AGAP1: variants seen among roughly 807,000 people sequenced by gnomAD.
AGAP1 encodes arf-GAP with GTPase, ANK repeat and PH domain-containing protein 1.
AGAP1 carries 29 observed loss-of-function variants against 105.3 expected under a neutral mutation model. That is an observed-to-expected ratio of 0.28 (90% CI 0.21 to 0.38). The LOEUF (loss-of-function observed/expected upper bound fraction) is 0.38, where lower values mean the gene tolerates loss of function less well. AGAP1 is among the 10% of genes least tolerant of loss of function. The probability of loss-of-function intolerance (pLI) is 1.00; values close to 1 mark genes in which losing one functional copy is unlikely to be tolerated. For missense variants in AGAP1, 998 were observed against 1,165.1 expected (o/e 0.86, Z 2.09); for synonymous variants, 509 against 485.9 (o/e 1.05, Z -0.63).
chr2:235,956,347 C>G (rs977168072), intron 12 of AGAP1, among the ~76,000 whole-genome samples: 3 of 152,150 alleles, frequency 2.0e-5, no homozygotes, highest in African/African-American at 4.8e-5. Flanking sequence ...ATTTTTGAGC[C>G]TTAACTATAA....
In AGAP1 at chr2:235,701,202, C is replaced by T. The variant is rs536205302; in HGVS notation, c.164-7977C>T. Among the ~76,000 whole-genome samples the T allele has an allele frequency of 1.6e-3, 246 of 151,468 alleles. 1 individual carries two copies. The highest frequency in any genetic ancestry group is 5.8e-3 in the African/African-American group (239 of 41,272). On this transcript the variant is annotated intron_variant, in intron 1 of 17. Transcript: ENST00000304032. This position sits in a 1 kb window ranked among gnomAD's most constrained non-coding sequence, Gnocchi z 4.1. The stretch of plus-strand genomic sequence containing the variant: ...ATATGGGGGGGTGGAAATCACTATC[C>T]TCTAAGAAGTTACAAACCTGCAAAT...
rs139415714 is a variant in AGAP1, at chr2:236,124,011, G to A, written c.2463G>A (p.Leu821=). 24 of 1,613,972 alleles carry A rather than the reference G, an allele frequency of 1.5e-5. No homozygotes were observed. Among genetic ancestry groups the A allele is most frequent in the Non-Finnish European group, 1.8e-5 (21 of 1,180,028 alleles). The change falls in exon 18 of 18, where the codon CTG becomes CTA. Residue 821 remains leucine, a synonymous_variant. Transcript: ENST00000304032. This position sits in a 1 kb window ranked among gnomAD's most constrained non-coding sequence, Gnocchi z 5.1. The part of the protein sequence containing the change: ...QASSQECIDV[L]LQYGCPDERF... The stretch of plus-strand genomic sequence containing the variant: ...CCAGCCAGGAGTGCATCGACGTGCT[G>A]CTGCAGTACGGCTGCCCCGACGAGC...
At chr2:236,085,666 A>G (rs1378218770) in intron 16 of AGAP1, among the ~76,000 whole-genome samples, 2 of 152,230 alleles carry the variant, frequency 1.3e-5, no homozygotes, top group Non-Finnish European at 2.9e-5. Flanking sequence ...ATGCAGGCCT[A>G]AAGAGGACTG....
At chr2:235,838,078 T>G (rs1346079716) in intron 9 of AGAP1, among the ~76,000 whole-genome samples, 1 of 152,172 alleles carries the variant, frequency 6.6e-6, no homozygotes, top group Non-Finnish European at 1.5e-5. Context: ...CCCAGCTACT[T>G]GGGACACTGA....
intron 16 of AGAP1, among the ~76,000 whole-genome samples, chr2:236,060,903 A>C (rs569321622): frequency 6.6e-6 from 1 of 151,778 alleles, no homozygotes; most frequent in Non-Finnish European, 1.5e-5. Flanking sequence ...CTCTACAAAA[A>C]CTTTTAAAAA....
At chr2:235,521,705 G>A (rs1942619724) in intron 1 of AGAP1, among the ~76,000 whole-genome samples, 1 of 149,666 alleles carries the variant, frequency 6.7e-6, no homozygotes, top group African/African-American at 2.5e-5. Flanking sequence ...ATAGACGTTG[G>A]GATCGATCCA....
At chr2:235,823,103 C>G (rs1470907822) in intron 9 of AGAP1, among the ~76,000 whole-genome samples, 1 of 151,984 alleles carries the variant, frequency 6.6e-6, no homozygotes, top group African/African-American at 2.4e-5. Flanking sequence ...CAGAATCTTA[C>G]CTATTTTTTC....
In AGAP1 at chr2:236,005,418, G is replaced by T. The variant is rs1212917136; in HGVS notation, c.1646-31143G>T. Reference sequence around the variant, plus strand: ...AGCCTCCCAAAGTGCTGGGATTACAGGTGTGAGCCACCATGCCCACCCTCT... The same window carrying T: ...AGCCTCCCAAAGTGCTGGGATTACATGTGTGAGCCACCATGCCCACCCTCT... On this transcript the variant is annotated intron_variant, in intron 13 of 17. Coordinates refer to ENST00000304032, the MANE Select transcript of AGAP1 (RefSeq NM_001037131.3). The surrounding 1 kb of genome is among the most constrained non-coding windows in gnomAD (Gnocchi z 4.1). Among the ~76,000 whole-genome samples the T allele has an allele frequency of 6.6e-6, 1 of 152,114 alleles. No individual in the cohort carries two copies. Among genetic ancestry groups the T allele is most frequent in the African/African-American group, 2.4e-5 (1 of 41,422 alleles).
intron 10 of AGAP1, among the ~76,000 whole-genome samples, chr2:235,897,295 C>T (rs2050852943): frequency 6.6e-6 from 1 of 152,210 alleles, no homozygotes; most frequent in East Asian, 1.9e-4. Flanking sequence ...CCACCTCGGC[C>T]TCCCAACCTG....
chr2:236,097,245 G>C (rs987632844), intron 16 of AGAP1, among the ~76,000 whole-genome samples: 9 of 152,036 alleles, frequency 5.9e-5, no homozygotes, highest in Admixed American at 5.9e-4. Flanking sequence ...CTATAATAAT[G>C]TGGGTCTTCA....
chr2:235,529,580 C>G (rs1054693863), intron 1 of AGAP1, among the ~76,000 whole-genome samples: 1 of 152,164 alleles, frequency 6.6e-6, no homozygotes, highest in South Asian at 2.1e-4. Flanking sequence ...ACAGCTCACG[C>G]TCCCCACATC....
intron 1 of AGAP1, among the ~76,000 whole-genome samples, chr2:235,686,652 T>TATATATATATATATATAGATATAG (rs1949448161): frequency 3.6e-5 from 2 of 56,194 alleles, no homozygotes; most frequent in Non-Finnish European, 6.1e-5. Context: ...TATAGATATA[T>TATATATATATATATATAGATATAG]ATATATATAT....
chr2:235,695,806 G>T (rs1949970420), intron 1 of AGAP1, among the ~76,000 whole-genome samples: 1 of 152,200 alleles, frequency 6.6e-6, no homozygotes, highest in South Asian at 2.1e-4. Flanking sequence ...CCAGGGAGCT[G>T]AGAGGGGTCA....
At position 235,842,290 on chromosome 2, in the gene AGAP1, T is replaced by TA. The variant is rs1182103233; in HGVS notation, c.1050+34961dup. Among the ~76,000 whole-genome samples, 1 of 152,226 alleles carries TA rather than the reference T, an allele frequency of 6.6e-6. No individual in the cohort carries two copies. The highest frequency in any genetic ancestry group is 2.4e-5 in the African/African-American group (1 of 41,460). ...ATTTCCACTGACTTCGACTGAAAGTTAACGTTTCCTTCAGATATGAATGTA... is the reference window on the plus strand; with the variant it reads ...ATTTCCACTGACTTCGACTGAAAGTTAAACGTTTCCTTCAGATATGAATGTA... On this transcript the variant is annotated intron_variant, in intron 9 of 17. Coordinates refer to ENST00000304032, the MANE Select transcript of AGAP1 (RefSeq NM_001037131.3). The surrounding 1 kb of genome is among the most constrained non-coding windows in gnomAD (Gnocchi z 5.3).
intron 1 of AGAP1, among the ~76,000 whole-genome samples, chr2:235,641,836 GC>G (rs1051637539): frequency 9.2e-5 from 14 of 152,276 alleles, no homozygotes; most frequent in African/African-American, 1.7e-4. Flanking sequence ...TTTTCTCTGT[GC>G]ACAGGTATGA....
intron 1 of AGAP1, among the ~76,000 whole-genome samples, chr2:235,676,796 T>A (rs1948761603): frequency 6.6e-6 from 1 of 152,234 alleles, no homozygotes; most frequent in Admixed American, 6.5e-5. Context: ...CTTAAAATGA[T>A]GTCACAATGA....
At position 235,705,524 on chromosome 2, in the gene AGAP1, C is replaced by G. The variant is rs1044342670; in HGVS notation, c.164-3655C>G. On this transcript the variant is annotated intron_variant, in intron 1 of 17. Transcript: ENST00000304032. This position sits in a 1 kb window ranked among gnomAD's most constrained non-coding sequence, Gnocchi z 4.9. ...TGAGTGATGAACAATTCCACGCCAG[C>G]ACAGTGTCCAGCCCACAGATAGGTC... Among the ~76,000 whole-genome samples, 4 of 152,208 alleles carry G rather than the reference C, an allele frequency of 2.6e-5. No homozygotes were observed. The highest frequency in any genetic ancestry group is 9.6e-5 in the African/African-American group (4 of 41,460).
At position 236,105,426 on chromosome 2, in the gene AGAP1, G is replaced by T. The variant is rs561427441; in HGVS notation, c.2115-14766G>T. ...AGTATTCCTCACACTTCTGAGGAAT[G>T]GGAAGTCCAAGGTCAAGGTGTTGGC... On this transcript the variant is annotated intron_variant, in intron 16 of 17. Coordinates refer to ENST00000304032, the MANE Select transcript of AGAP1 (RefSeq NM_001037131.3). This position sits in a 1 kb window ranked among gnomAD's most constrained non-coding sequence, Gnocchi z 4.2. Among the ~76,000 whole-genome samples the T allele has an allele frequency of 6.6e-6, 1 of 152,164 alleles. No homozygotes were observed. Among genetic ancestry groups the T allele is most frequent in the African/African-American group, 2.4e-5 (1 of 41,446 alleles).
chr2:235,510,594 A>G (rs930001233), intron 1 of AGAP1, among the ~76,000 whole-genome samples: 3 of 152,094 alleles, frequency 2.0e-5, no homozygotes, highest in South Asian at 4.1e-4. Context: ...TGTGCTGGGT[A>G]TATAATTAAC....
Sources: allele counts gnomAD v4.1 joint callset (sites outside exome capture counted in the v4.1 genomes callset), GRCh38; gene constraint gnomAD v4.1.1; non-coding constraint Gnocchi (gnomAD v3.1); transcripts MANE v1.5; gene names NCBI Gene and HGNC (gene_info 2026-07-23, HGNC 2026-07-21).